Variants in DDX24 observed in about 807,000 individuals in gnomAD.
The protein encoded by DDX24 is ATP-dependent RNA helicase DDX24.
DDX24 carries 24 observed loss-of-function variants against 68.9 expected under a neutral mutation model. The observed-to-expected ratio is 0.35, with a 90% CI of 0.25 to 0.49. The LOEUF (loss-of-function observed/expected upper bound fraction) is 0.49. Among genes scored for constraint, DDX24 ranks in the 20% least tolerant of loss-of-function variants. The probability of loss-of-function intolerance (pLI) is 0.99; values close to 1 mark genes in which losing one functional copy is unlikely to be tolerated. For synonymous variants in DDX24, 395 were observed against 385.2 expected (o/e 1.03, Z -0.30); for missense variants, 989 against 1,039.0 (o/e 0.95, Z 0.66).
At chr14:94,052,968 C>T in intron 8 of DDX24, 30 bp downstream of exon 8, 1 of 1,588,238 alleles carries the variant, frequency 6.3e-7, no homozygotes, top group South Asian at 1.1e-5. Flanking sequence ...ATTTCAACTT[C>T]CTCAATTCCC....
rs1287212525 is a variant in DDX24, at chr14:94,079,493, C to T, written c.250G>A (p.Glu84Lys). Reference protein sequence around the residue: ...PKRKAQAVSEEEEEEEGKSSS... With the variant: ...PKRKAQAVSEKEEEEEGKSSS... ...GACTTTCCCTCCTCCTCCTCCTCTT[C>T]TTCTGAAACAGCTTGTGCCTTTCTC... The change falls in exon 2 of 9, where the codon GAA becomes AAA. Residue 84 changes from glutamate (E) to lysine (K), a missense_variant. Glu to Lys is a moderately conservative substitution (Grantham distance 56). Around this residue, in one of 3 missense-constraint regions of DDX24, gnomAD observed 295 missense variants for 263.0 expected, o/e 1.12. Transcript: ENST00000621632. 1 of 1,614,006 alleles carries T rather than the reference C, an allele frequency of 6.2e-7. No individual in the cohort carries two copies. The highest frequency in any genetic ancestry group is 1.3e-5 in the African/African-American group (1 of 74,920).
chr14:94,057,001 A>C (rs1481074797), intron 6 of DDX24: 2 of 152,244 alleles, frequency 1.3e-5, no homozygotes, highest in Non-Finnish European at 2.9e-5. Context: ...TGATAATGCC[A>C]TACCAGCTAC....
Position 94,051,379 on chromosome 14 carries a change from G to C in DDX24, c.2392C>G (p.Gln798Glu). Residue 798 changes from glutamine to glutamate, a missense_variant, in exon 9 of 9, where the codon CAG becomes GAG. Physicochemically the swap from Gln to Glu is conservative, Grantham distance 29 (BLOSUM62 2). Transcript: ENST00000621632. ...LKKELRHLLS[Q>E]PLFTESQKTK... The stretch of plus-strand genomic sequence containing the variant: ...TTCTGGCTCTCCGTAAACAGTGGCT[G>C]GGACAGCAGGTGGCGCAGCTCCTTC... 1 of 1,611,414 alleles carries C rather than the reference G, an allele frequency of 6.2e-7. No individual in the cohort carries two copies. The highest frequency in any genetic ancestry group is 8.5e-7 in the Non-Finnish European group (1 of 1,179,172).
chr14:94,062,643 C>T, intron 2 of DDX24, 22 bp from the exon 3 acceptor site: 35 of 1,568,390 alleles, frequency 2.2e-5, no homozygotes, highest in Non-Finnish European at 2.9e-5. Context: ...AAAAACAAAA[C>T]AAAGTAAAAA....
rs769388611 is a variant in DDX24, at chr14:94,079,764, T to C, written c.-5-17A>G. 27 of 1,605,102 alleles carry C rather than the reference T, an allele frequency of 1.7e-5. No homozygotes were observed. The highest frequency in any genetic ancestry group is 2.3e-5 in the Non-Finnish European group (27 of 1,174,924). ...TCATGGTTGCTGAAAAGGAGATACATGTTCTATTAGGTTGGTGTCTGAGAA... is the reference window on the plus strand; with the variant it reads ...TCATGGTTGCTGAAAAGGAGATACACGTTCTATTAGGTTGGTGTCTGAGAA... On this transcript the variant is annotated splice_polypyrimidine_tract_variant and intron_variant, in intron 1 of 8. Transcript: ENST00000621632.
chr14:94,053,385 T>TTC (rs1885429323), intron 7 of DDX24: 1 of 323,836 alleles, frequency 3.1e-6, no homozygotes, highest in African/African-American at 3.1e-5. Flanking sequence ...TTTTTTTTTT[T>TTC]TTCGTAAAGA....
At chr14:94,059,639 AAAT>A (rs1253227759) in intron 5 of DDX24, among the ~76,000 whole-genome samples, 1 of 152,226 alleles carries the variant, frequency 6.6e-6, no homozygotes, top group Non-Finnish European at 1.5e-5. Flanking sequence ...ATTATTATCC[AAAT>A]AATGAGAAAA....
In DDX24 at chr14:94,073,902, G is replaced by A. The variant is rs1885883567; in HGVS notation, c.718+5123C>T. Among the ~76,000 whole-genome samples, 3 of 151,818 alleles carry A rather than the reference G, an allele frequency of 2.0e-5. No individual in the cohort carries two copies. In the South Asian group the frequency reaches 6.2e-4, roughly 32 times the overall value. On this transcript the variant is annotated intron_variant, in intron 2 of 8. Coordinates refer to ENST00000621632, the MANE Select transcript of DDX24 (RefSeq NM_020414.4). ...ACTAAAAATACAAAAAATTAGCCGGGCATGGTGGTGGGCACCTGTAGTCCC... is the reference window on the plus strand; with the variant it reads ...ACTAAAAATACAAAAAATTAGCCGGACATGGTGGTGGGCACCTGTAGTCCC...
intron 3 of DDX24, 38 bp downstream of exon 3, chr14:94,062,059 T>C: frequency 6.4e-7 from 1 of 1,555,978 alleles, no homozygotes. Flanking sequence ...ATTTGGGATT[T>C]ACCTAGAAAA....
At chr14:94,080,732 AAC>A (rs1163568143) in intron 1 of DDX24, among the ~76,000 whole-genome samples, 1 of 151,994 alleles carries the variant, frequency 6.6e-6, no homozygotes, top group Admixed American at 6.5e-5. Context: ...AACACAAAGA[AAC>A]ACGCGGGGTT....
At position 94,079,795 on chromosome 14, in the gene DDX24, G is replaced by A. The variant is rs1056382750; in HGVS notation, c.-5-48C>T. ...ATTAGGTTGGTGTCTGAGAAGCAGA[G>A]GGTTCTGATGTAACAAATATTTTCT... On this transcript the variant is annotated intron_variant, in intron 1 of 8. Coordinates refer to ENST00000621632, the MANE Select transcript of DDX24 (RefSeq NM_020414.4). 7 of 1,524,786 alleles carry A rather than the reference G, an allele frequency of 4.6e-6. No individual in the cohort carries two copies. The African/African-American group carries it at 6.9e-5, about 15-fold the overall frequency. 94.5% of individuals were successfully genotyped at this position (1,524,786 alleles called of 1,614,324 possible).
At chr14:94,061,502 T>C (rs540114995) in intron 3 of DDX24, among the ~76,000 whole-genome samples, 74 of 152,220 alleles carry the variant, frequency 4.9e-4, no homozygotes, top group Non-Finnish European at 1.0e-3. Context: ...TCGTCTCTGG[T>C]GCAGAAATTC....
intron 2 of DDX24, among the ~76,000 whole-genome samples, chr14:94,078,232 G>A (rs1885986147): frequency 6.6e-6 from 1 of 152,160 alleles, no homozygotes; most frequent in South Asian, 2.1e-4. Context: ...AGAGACTTGA[G>A]CATCCCTGGA....
At chr14:94,062,048 C>A in intron 3 of DDX24, 49 bp downstream of exon 3, 1 of 1,536,090 alleles carries the variant, frequency 6.5e-7, no homozygotes, top group Non-Finnish European at 8.8e-7. Flanking sequence ...TACCAACGAG[C>A]ATTTGGGATT....
chr14:94,057,866 G>A lies in DDX24; in HGVS notation c.1945C>T (p.Arg649Trp), dbSNP rs776320527. The change falls in exon 6 of 9, where the codon CGG becomes TGG. Residue 649 changes from arginine to tryptophan, a missense_variant. Around this residue, in one of 3 missense-constraint regions of DDX24, gnomAD observed 691 missense variants for 760.0 expected, o/e 0.91. Coordinates refer to ENST00000621632, the MANE Select transcript of DDX24 (RefSeq NM_020414.4). ...CVLLATDVAA[R>W]GLDIPKVQHV... ...TGGACTTTAGGAATATCCAGACCCC[G>A]AGCTGCCACATCTGTTGCCAAGAGA... is the stretch of plus-strand genomic sequence containing the variant. 8.7e-6 allele frequency: 14 copies of A among 1,613,746 alleles called. No individual in the cohort carries two copies. Among genetic ancestry groups the A allele is most frequent in the African/African-American group, 4.0e-5 (3 of 74,856 alleles).
intron 8 of DDX24, 155 bp from the exon 9 acceptor site, chr14:94,051,617 G>T: frequency 2.2e-6 from 2 of 900,388 alleles, no homozygotes; most frequent in Non-Finnish European, 3.3e-6. Flanking sequence ...CTTGGCAGGG[G>T]CTGTAAATGG....
Position 94,062,112 on chromosome 14 carries a change from C to T in DDX24, c.1228G>A (p.Val410Met). The T allele has an allele frequency of 6.2e-7, 1 of 1,610,134 alleles. No individual in the cohort carries two copies. The highest frequency in any genetic ancestry group is 8.5e-7 in the Non-Finnish European group (1 of 1,177,380). The change falls in exon 3 of 9, where the codon GTG (valine) becomes ATG (methionine). Residue 410 changes from valine to methionine, a missense_variant. Val to Met is a conservative substitution (Grantham distance 21, BLOSUM62 1). Transcript: ENST00000621632. ...TAAACCTCACCTGTAAACCTGGCCACAGCATCAATGTGCTGTTTGACCTGG... is the reference window on the plus strand; with the variant it reads ...TAAACCTCACCTGTAAACCTGGCCATAGCATCAATGTGCTGTTTGACCTGG... ...AVQVKQHIDA[V>M]ARFTGIKTAI...
At position 94,048,524 on chromosome 14, in the gene DDX24, T is replaced by C. The variant is rs139217936; in HGVS notation, c.*2667A>G. ...CCCTGAGCCCCAATTCCCAAGTTTG[T>C]GAAATGGCAACAATACCTATGTGTC... On this transcript the variant is annotated 3_prime_UTR_variant, in exon 9 of 9. Transcript: ENST00000621632. 2.6e-5 allele frequency: 4 copies of C among 152,344 alleles called. No homozygotes were observed. In the East Asian group the frequency reaches 5.8e-4, roughly 22 times the overall value. 9.4% of individuals were successfully genotyped at this position (152,344 alleles called of 1,614,324 possible).
chr14:94,052,953 G>C, intron 8 of DDX24, 45 bp downstream of exon 8: 1 of 1,578,038 alleles, frequency 6.3e-7, no homozygotes, highest in Non-Finnish European at 8.6e-7. Flanking sequence ...AAAAGTTAAA[G>C]AGAGATTTCA....
Sources: gnomAD v4.1 joint callset for allele counts (sites outside exome capture counted in the v4.1 genomes callset) on GRCh38, gnomAD v4.1.1 for gene constraint, gnomAD v4.1.1 regional missense constraint, MANE v1.5 for transcripts, NCBI Gene and HGNC (gene_info 2026-07-23, HGNC 2026-07-21) for gene names.